Variants in PCDHGA2 observed in about 807,000 individuals in gnomAD.
PCDHGA2 encodes protocadherin gamma subfamily A, 2.
In PCDHGA2, 40 loss-of-function variants were observed where a neutral mutation model predicts 59.2. The ratio of observed to expected loss-of-function variants is 0.68; its 90% CI spans 0.52 to 0.88. The LOEUF (loss-of-function observed/expected upper bound fraction) is 0.88, where lower values mean the gene tolerates loss of function less well. Ranked by LOEUF, PCDHGA2 falls within the 40% of genes least tolerant of loss-of-function variation. The pLI, the probability that PCDHGA2 is intolerant of heterozygous loss-of-function variation, is 0.00. For synonymous variants in PCDHGA2, 560 were observed against 526.0 expected, an observed-to-expected ratio of 1.06 and a Z score of -0.89; for missense variants, 1,226 against 1,204.0, an observed-to-expected ratio of 1.02 and a Z score of -0.27.
At chr5:141,361,241 T>TA in intron 1 of PCDHGA2, 1 of 1,613,960 alleles carries the variant, frequency 6.2e-7, no homozygotes, top group South Asian at 1.1e-5. Context: ...ATCGCCTTGA[T>TA]AAAAACGAGA....
intron 1 of PCDHGA2, chr5:141,362,221 T>C: frequency 1.2e-6 from 2 of 1,614,044 alleles, no homozygotes; most frequent in Non-Finnish European, 1.7e-6. Context: ...GGTTGTGGCC[T>C]TGGCCTTGAT....
At chr5:141,375,095 T>G in intron 1 of PCDHGA2, 1 of 1,613,960 alleles carries the variant, frequency 6.2e-7, no homozygotes. Flanking sequence ...AATAACTATC[T>G]TGGATGTCAA....
intron 1 of PCDHGA2, chr5:141,375,310 T>C: frequency 6.2e-7 from 1 of 1,613,814 alleles, no homozygotes; most frequent in Non-Finnish European, 8.5e-7. Context: ...CAAATGCAGC[T>C]CTAGACCGGG....
chr5:141,494,701 C>G, intron 1 of PCDHGA2, 106 bp from the exon 2 acceptor site: 1 of 1,594,596 alleles, frequency 6.3e-7, no homozygotes, highest in Non-Finnish European at 8.6e-7. Context: ...CCGTTTTCTT[C>G]TCTGTGCCCA....
Position 141,490,491 on chromosome 5 carries a change from A to T in PCDHGA2, c.2425-4316A>T. 1 of 1,614,098 alleles carries T rather than the reference A, an allele frequency of 6.2e-7. No individual in the cohort carries two copies. Among genetic ancestry groups the T allele is most frequent in the Non-Finnish European group, 8.5e-7 (1 of 1,180,022 alleles). ...GCCAGCCTTTGGACCGGGAGGCCAC[A>T]TCCCACTATATCATCGAGCTGCTGG... On this transcript the variant is annotated intron_variant, in intron 1 of 3. Coordinates refer to ENST00000394576, the MANE Select transcript of PCDHGA2 (RefSeq NM_018915.4). This position sits in a 1 kb window ranked among gnomAD's most constrained non-coding sequence, Gnocchi z 5.4.
intron 1 of PCDHGA2, among the ~76,000 whole-genome samples, chr5:141,438,340 G>A (rs1348587719): frequency 6.6e-6 from 1 of 151,522 alleles, no homozygotes; most frequent in Non-Finnish European, 1.5e-5. Flanking sequence ...TGTCATATAA[G>A]GATCTACTCT....
intron 1 of PCDHGA2, chr5:141,366,482 C>A: frequency 6.2e-7 from 1 of 1,614,242 alleles, no homozygotes; most frequent in Non-Finnish European, 8.5e-7. Flanking sequence ...CAGACTGAGG[C>A]GCTGGCACAA....
intron 2 of PCDHGA2, among the ~76,000 whole-genome samples, chr5:141,495,826 A>G (rs1190417828): frequency 6.6e-6 from 1 of 150,888 alleles, no homozygotes; most frequent in African/African-American, 2.4e-5. Flanking sequence ...GTGTTCTTCT[A>G]TCCCCAGCCT....
rs1300601208 is a variant in PCDHGA2 at position 141,499,206 on chromosome 5, AC to A, written c.2483+4344del. On this transcript the variant is annotated intron_variant, in intron 2 of 3. Transcript: ENST00000394576. ...ACCATTTCCCCCTTCTTAGGCTGTA[AC>A]CCAGGCCCTGCCCTGCAGCTGTCCC... Among the ~76,000 whole-genome samples the A allele has an allele frequency of 3.3e-5, 5 of 152,062 alleles. No homozygotes were observed. In the East Asian group the frequency reaches 7.7e-4, roughly 24 times the overall value.
chr5:141,408,379 G>T (rs2095093592), intron 1 of PCDHGA2: 13 of 1,613,914 alleles, frequency 8.1e-6, no homozygotes, highest in Non-Finnish European at 1.1e-5. Context: ...TCAGTGTCCT[G>T]GATGTGTCGG....
rs1288507078 is a variant in PCDHGA2 at position 141,476,171 on chromosome 5, G to A, written c.2425-18636G>A. On this transcript the variant is annotated intron_variant, in intron 1 of 3. Transcript: ENST00000394576. This position sits in a 1 kb window ranked among gnomAD's most constrained non-coding sequence, Gnocchi z 7.6. ...GGTAAGCACCGGGAGGGTAGTGGGA[G>A]TTTTGCTTCTGCTTGGTGCCTTGAA... The A allele has an allele frequency of 1.2e-6, 2 of 1,613,442 alleles. No individual in the cohort carries two copies. The highest frequency in any genetic ancestry group is 1.7e-6 in the Non-Finnish European group (2 of 1,179,978).
At chr5:141,370,842 G>A in intron 1 of PCDHGA2, 1 of 1,614,058 alleles carries the variant, frequency 6.2e-7, no homozygotes, top group Non-Finnish European at 8.5e-7. Context: ...TCTCACTGGA[G>A]CCACATTTGC....
intron 1 of PCDHGA2, chr5:141,478,142 G>A: frequency 3.7e-6 from 6 of 1,613,988 alleles, no homozygotes; most frequent in Non-Finnish European, 4.2e-6. Flanking sequence ...AGCCCGAGCC[G>A]AGTTCCCCTC....
Position 141,487,321 on chromosome 5 carries a change from T to C in PCDHGA2, c.2425-7486T>C. 1.2e-6 allele frequency: 2 copies of C among 1,614,198 alleles called. No individual in the cohort carries two copies. The highest frequency in any genetic ancestry group is 1.7e-6 in the Non-Finnish European group (2 of 1,180,040). Reference sequence around the variant, plus strand: ...TCGTGGCACTACTCTCTAAGTGTCTTCGTGGGGCAGCCTGTGGAGTCACAT... The same window carrying C: ...TCGTGGCACTACTCTCTAAGTGTCTCCGTGGGGCAGCCTGTGGAGTCACAT... On this transcript the variant is annotated intron_variant, in intron 1 of 3. Transcript: ENST00000394576. The surrounding 1 kb of genome is among the most constrained non-coding windows in gnomAD (Gnocchi z 5.0).
At chr5:141,500,436 C>G (rs1318326111) in intron 2 of PCDHGA2, among the ~76,000 whole-genome samples, 2 of 151,836 alleles carry the variant, frequency 1.3e-5, no homozygotes, top group African/African-American at 2.4e-5. Flanking sequence ...GTCTCGATCT[C>G]CTGACCTCGT....
intron 1 of PCDHGA2, chr5:141,378,418 G>T (rs1018299998): frequency 6.6e-6 from 1 of 152,330 alleles, no homozygotes; most frequent in African/African-American, 2.4e-5. Flanking sequence ...AGCTACTCGG[G>T]AGGCTGAGGC....
chr5:141,373,720 C>T (rs1769798008), intron 1 of PCDHGA2, among the ~76,000 whole-genome samples: 1 of 152,328 alleles, frequency 6.6e-6, no homozygotes, highest in East Asian at 1.9e-4. Flanking sequence ...ATCTCTTACA[C>T]TCTTCTAAAT....
chr5:141,345,408 G>T (rs1216474158), intron 1 of PCDHGA2: 1 of 1,613,800 alleles, frequency 6.2e-7, no homozygotes, highest in African/African-American at 1.3e-5. Context: ...ATCCTACTCC[G>T]CCTACATTCC....
intron 1 of PCDHGA2, chr5:141,393,264 C>A (rs537186931): frequency 6.2e-7 from 1 of 1,613,916 alleles, no homozygotes. Flanking sequence ...TCCTGGAGCA[C>A]GTTATCCACT....
Sources: gnomAD v4.1 joint callset for allele counts (sites outside exome capture counted in the v4.1 genomes callset) on GRCh38, gnomAD v4.1.1 for gene constraint, Gnocchi (gnomAD v3.1) non-coding constraint, MANE v1.5 for transcripts, NCBI Gene and HGNC (gene_info 2026-07-23, HGNC 2026-07-21) for gene names.